Variants in ZFP64 observed in about 807,000 individuals in gnomAD.
ZFP64 encodes zinc finger protein 64.
In ZFP64, 14 loss-of-function variants were observed where a neutral mutation model predicts 51.6. The ratio of observed to expected loss-of-function variants is 0.27; its 90% CI spans 0.18 to 0.42. The LOEUF (loss-of-function observed/expected upper bound fraction) is 0.42. Ranked by LOEUF, ZFP64 falls within the 10% of genes least tolerant of loss-of-function variation. The pLI, the probability that ZFP64 is intolerant of heterozygous loss-of-function variation, is 1.00. For synonymous variants in ZFP64, 375 were observed against 361.4 expected, an observed-to-expected ratio of 1.04 and a Z score of -0.43; for missense variants, 754 against 906.8, an observed-to-expected ratio of 0.83 and a Z score of 2.16.
At chr20:52,140,557 A>T (rs972176349) in intron 5 of ZFP64, among the ~76,000 whole-genome samples, 7 of 152,232 alleles carry the variant, frequency 4.6e-5, no homozygotes, top group African/African-American at 1.7e-4. Flanking sequence ...AACTCCTTCA[A>T]TTCTATGGAG....
At chr20:52,091,521 T>C (rs1049032451) in intron 7 of ZFP64, among the ~76,000 whole-genome samples, 4 of 152,194 alleles carry the variant, frequency 2.6e-5, no homozygotes, top group Admixed American at 6.5e-5. Flanking sequence ...AAAAATTTCA[T>C]ATGGATGAGA....
intron 5 of ZFP64, chr20:52,104,625 C>T (rs757889896): frequency 1.5e-4 from 67 of 461,284 alleles, no homozygotes; most frequent in Non-Finnish European, 2.4e-4. Flanking sequence ...TCTGTTCCCT[C>T]GGCCTGGAAT....
intron 5 of ZFP64, among the ~76,000 whole-genome samples, chr20:52,132,424 G>C (rs1281633192): frequency 1.3e-5 from 2 of 151,314 alleles, no homozygotes; most frequent in African/African-American, 4.8e-5. Flanking sequence ...ATGAAAAAAA[G>C]CTGTTTTTTT....
chr20:52,141,757 T>C (rs1980266273), intron 5 of ZFP64, among the ~76,000 whole-genome samples: 1 of 152,218 alleles, frequency 6.6e-6, no homozygotes, highest in South Asian at 2.1e-4. Flanking sequence ...TACATAGCCT[T>C]AGTTGATTAG....
chr20:52,141,743 A>G (rs1210766329), intron 5 of ZFP64, among the ~76,000 whole-genome samples: 1 of 152,250 alleles, frequency 6.6e-6, no homozygotes, highest in Non-Finnish European at 1.5e-5. Context: ...ACAACTTAAA[A>G]TATTACATAG....
intron 2 of ZFP64, among the ~76,000 whole-genome samples, chr20:52,184,666 AC>A (rs1444185530): frequency 1.3e-5 from 2 of 151,960 alleles, no homozygotes; most frequent in African/African-American, 4.8e-5. Context: ...CTCATTTGTC[AC>A]CCAGGCTGGA....
At chr20:52,103,076 T>C (rs2079070751) in intron 5 of ZFP64, among the ~76,000 whole-genome samples, 1 of 152,116 alleles carries the variant, frequency 6.6e-6, no homozygotes, top group African/African-American at 2.4e-5. Context: ...AAAGAAGGCC[T>C]GAAGCCCACT....
intron 5 of ZFP64, among the ~76,000 whole-genome samples, chr20:52,144,379 A>G (rs2122923405): frequency 7.0e-6 from 1 of 143,542 alleles, no homozygotes; most frequent in East Asian, 2.4e-4. Context: ...AGAGATCAAG[A>G]CTATCCTGGT....
intron 5 of ZFP64, among the ~76,000 whole-genome samples, chr20:52,141,765 T>C (rs996319538): frequency 1.3e-5 from 2 of 152,214 alleles, no homozygotes; most frequent in Non-Finnish European, 2.9e-5. Context: ...CTTAGTTGAT[T>C]AGGCAGTGTC....
intron 8 of ZFP64, among the ~76,000 whole-genome samples, chr20:52,086,775 G>C (rs2078870029): frequency 6.6e-6 from 1 of 152,070 alleles, no homozygotes; most frequent in Non-Finnish European, 1.5e-5. Flanking sequence ...ACCGCGCCCG[G>C]CCCTTTCACA....
intron 5 of ZFP64, among the ~76,000 whole-genome samples, chr20:52,101,059 G>A (rs1324904910): frequency 1.3e-5 from 2 of 152,142 alleles, no homozygotes; most frequent in African/African-American, 4.8e-5. Flanking sequence ...TCATGATTCT[G>A]TTTGCATGCA....
chr20:52,156,161 C>T (rs527367485), intron 5 of ZFP64, among the ~76,000 whole-genome samples: 10 of 152,278 alleles, frequency 6.6e-5, no homozygotes, highest in Admixed American at 3.3e-4. Context: ...ATCAGTTGGG[C>T]GTCGATTATG....
At chr20:52,129,962 T>G (rs1393454441) in intron 5 of ZFP64, among the ~76,000 whole-genome samples, 1 of 152,102 alleles carries the variant, frequency 6.6e-6, no homozygotes, top group African/African-American at 2.4e-5. Flanking sequence ...CTGCTCCTCT[T>G]TCCCTTGCTC....
In ZFP64 at chr20:52,160,965, GGCAGGTGAGTGAGTCGGTGAGC is replaced by G. The variant is rs919390806; in HGVS notation, c.512-613_512-592del. On this transcript the variant is annotated intron_variant, in intron 4 of 5. Transcript: ENST00000216923. The surrounding 1 kb of genome is among the most constrained non-coding windows in gnomAD (Gnocchi z 4.2). Reference sequence around the variant, plus strand: ...GCATGGGGATAAGGCAGCAGGTGAGGGCAGGTGAGTGAGTCGGTGAGCGCAGGTGAGTGAGCAGGTGAGGGCA... The same window carrying G: ...GCATGGGGATAAGGCAGCAGGTGAGGGCAGGTGAGTGAGCAGGTGAGGGCA... Among the ~76,000 whole-genome samples, 27 of 152,016 alleles carry G rather than the reference GGCAGGTGAGTGAGTCGGTGAGC, an allele frequency of 1.8e-4. No homozygotes were observed. The South Asian group carries it at 5.7e-3, about 32-fold the overall frequency.
chr20:52,174,773 A>C (rs988498019), intron 2 of ZFP64, among the ~76,000 whole-genome samples: 1 of 152,190 alleles, frequency 6.6e-6, no homozygotes, highest in African/African-American at 2.4e-5. Context: ...CTTTGGGTAC[A>C]TTCCTTGAAA....
intron 5 of ZFP64, among the ~76,000 whole-genome samples, chr20:52,118,404 G>A (rs950924566): frequency 6.6e-6 from 1 of 152,156 alleles, no homozygotes; most frequent in Non-Finnish European, 1.5e-5. Context: ...GAATAAGAAT[G>A]CTAAGCTTCC....
intron 5 of ZFP64, among the ~76,000 whole-genome samples, chr20:52,139,835 C>T (rs6091457): frequency 0.36 from 53,845 of 148,564 alleles, 10,465 homozygotes; most frequent in Non-Finnish European, 0.42. Flanking sequence ...TTGTGCTTTG[C>T]GGGCGCTGAG....
At chr20:52,088,755 T>C (rs1183930476) in intron 7 of ZFP64, 1 of 1,364,172 alleles carries the variant, frequency 7.3e-7, no homozygotes. Flanking sequence ...CCTGTCCAAA[T>C]ACTGAGAGAG....
intron 2 of ZFP64, among the ~76,000 whole-genome samples, chr20:52,166,742 A>T (rs1345882971): frequency 1.3e-5 from 2 of 152,140 alleles, no homozygotes; most frequent in Non-Finnish European, 2.9e-5. Context: ...TGCCTGCCCT[A>T]GACTTCTTAA....
Sources: gnomAD v4.1 joint callset for allele counts (sites outside exome capture counted in the v4.1 genomes callset) on GRCh38, gnomAD v4.1.1 for gene constraint, Gnocchi (gnomAD v3.1) non-coding constraint, MANE v1.5 for transcripts, NCBI Gene and HGNC (gene_info 2026-07-23, HGNC 2026-07-21) for gene names.